The following CRYL1 variants were observed in gnomAD, a reference collection of about 807,000 sequenced individuals.
The protein encoded by CRYL1 is crystallin lambda 1.
Under a neutral mutation model 36.6 loss-of-function variants are expected in CRYL1, and 29 were observed. That is an observed-to-expected ratio of 0.79 (90% CI 0.59 to 1.08). The LOEUF (loss-of-function observed/expected upper bound fraction) is 1.08, where lower values mean the gene tolerates loss of function less well. Ranked by LOEUF, CRYL1 falls within the 50% of genes least tolerant of loss-of-function variation. The pLI, the probability that CRYL1 is intolerant of heterozygous loss-of-function variation, is 0.00. For missense variants in CRYL1, 411 were observed against 407.9 expected, an observed-to-expected ratio of 1.01 and a Z score of -0.06; for synonymous variants, 152 against 151.5, an observed-to-expected ratio of 1.00 and a Z score of -0.02.
intron 2 of CRYL1, among the ~76,000 whole-genome samples, chr13:20,511,792 C>G (rs755506335): frequency 2.0e-5 from 3 of 152,236 alleles, no homozygotes; most frequent in African/African-American, 7.2e-5. Flanking sequence ...CTTCTTTCCC[C>G]TGTCCTTGAC....
chr13:20,460,901 A>C (rs1251234627), intron 3 of CRYL1, among the ~76,000 whole-genome samples: 1 of 152,180 alleles, frequency 6.6e-6, no homozygotes, highest in African/African-American at 2.4e-5. Flanking sequence ...GAATGTATAT[A>C]GTAAGTGCAC....
In CRYL1 at chr13:20,429,889, C is replaced by T. The variant is rs868862962; in HGVS notation, c.633+2213G>A. ...GCAAGGGTCAAACTTCAACCTGCTACTGGAATGCTGGCACGCTGGTTGTGA... is the reference window on the plus strand; with the variant it reads ...GCAAGGGTCAAACTTCAACCTGCTATTGGAATGCTGGCACGCTGGTTGTGA... On this transcript the variant is annotated intron_variant, in intron 5 of 7. Coordinates refer to ENST00000298248, the MANE Select transcript of CRYL1 (RefSeq NM_015974.3). 3.3e-5 allele frequency among the ~76,000 whole-genome samples: 5 copies of T among 152,300 alleles called. No homozygotes were observed. In the Middle Eastern group the frequency reaches 0.01, roughly 311 times the overall value.
At position 20,451,036 on chromosome 13, in the gene CRYL1, G is replaced by T. The variant is rs188381691; in HGVS notation, c.277-11282C>A. 1.2e-3 allele frequency among the ~76,000 whole-genome samples: 156 copies of T among 134,216 alleles called. 1 individual carries two copies. In the Middle Eastern group the frequency reaches 0.02, roughly 17 times the overall value. The allele number at this position is 134,216 out of a possible 152,430, so 88.1% of individuals were successfully genotyped here. A position where few individuals can be genotyped will look rare whatever the true frequency, so the allele number is the denominator to read the frequency against. On this transcript the variant is annotated intron_variant, in intron 3 of 7. Transcript: ENST00000298248. ...TGAGAACACTTGGACACAGGGTGGG[G>T]AACATCACACACCGGGCCTGTCGAG...
chr13:20,445,016 CT>C (rs1416812006), intron 3 of CRYL1, among the ~76,000 whole-genome samples: 1 of 152,184 alleles, frequency 6.6e-6, no homozygotes, highest in Non-Finnish European at 1.5e-5. Context: ...GTAACAAATC[CT>C]TTTTTATTTT....
intron 2 of CRYL1, among the ~76,000 whole-genome samples, chr13:20,505,120 C>A (rs2033769165): frequency 6.6e-6 from 1 of 151,986 alleles, no homozygotes; most frequent in South Asian, 2.1e-4. Context: ...CTTTGGGAGA[C>A]CAAGGCAGGT....
At chr13:20,485,077 GCT>G (rs2033368296) in intron 3 of CRYL1, among the ~76,000 whole-genome samples, 4 of 152,094 alleles carry the variant, frequency 2.6e-5, no homozygotes, top group Non-Finnish European at 5.9e-5. Flanking sequence ...GAGTGCAGTG[GCT>G]CCATCTCGGC....
rs1393747215 is a variant in CRYL1 at position 20,435,671 on chromosome 13, C to T, written c.439-3375G>A. 2.0e-5 allele frequency among the ~76,000 whole-genome samples: 3 copies of T among 152,116 alleles called. No homozygotes were observed. The highest frequency in any genetic ancestry group is 4.1e-4 in the South Asian group (2 of 4,826). ...TCGGAAACACGCCCCCGAAAGGGTTCGACAGATACAACGGCAGCGCAGCGC... is the reference window on the plus strand; with the variant it reads ...TCGGAAACACGCCCCCGAAAGGGTTTGACAGATACAACGGCAGCGCAGCGC... On this transcript the variant is annotated intron_variant, in intron 4 of 7. Coordinates refer to ENST00000298248, the MANE Select transcript of CRYL1 (RefSeq NM_015974.3). This position sits in a 1 kb window ranked among gnomAD's most constrained non-coding sequence, Gnocchi z 4.0.
At position 20,517,874 on chromosome 13, in the gene CRYL1, T is replaced by G. The variant is rs532961070; in HGVS notation, c.42-5324A>C. Among the ~76,000 whole-genome samples, 12 of 136,998 alleles carry G rather than the reference T, an allele frequency of 8.8e-5. No homozygotes were observed. The East Asian group carries it at 2.6e-3, about 30-fold the overall frequency. 89.9% of individuals were successfully genotyped at this position (136,998 alleles called of 152,430 possible). ...TGGCGTGAACCCGGGAGGCGGAGCTTGCAGTGAGCCGAGATCACACCACTG... is the reference window on the plus strand; with the variant it reads ...TGGCGTGAACCCGGGAGGCGGAGCTGGCAGTGAGCCGAGATCACACCACTG... On this transcript the variant is annotated intron_variant, in intron 1 of 7. Transcript: ENST00000298248.
At chr13:20,521,606 A>G (rs1025268009) in intron 1 of CRYL1, among the ~76,000 whole-genome samples, 2 of 152,170 alleles carry the variant, frequency 1.3e-5, no homozygotes, top group African/African-American at 4.8e-5. Context: ...TCCCACTGTG[A>G]CTATTGCGAC....
intron 3 of CRYL1, among the ~76,000 whole-genome samples, chr13:20,485,103 T>A (rs1167821914): frequency 6.6e-6 from 1 of 152,098 alleles, no homozygotes; most frequent in African/African-American, 2.4e-5. Flanking sequence ...CTGCAACCTT[T>A]ACCTCCTGGG....
rs1464597292 is a variant in CRYL1, at chr13:20,415,832, A to G, written c.634-2445T>C. On this transcript the variant is annotated intron_variant, in intron 5 of 7. Transcript: ENST00000298248. The surrounding 1 kb of genome is among the most constrained non-coding windows in gnomAD (Gnocchi z 4.1). ...CTGGCCCATTTCTAATCTTCCTGTAAGTGGAATCACTGAGCGCGCGTTCTT... is the reference window on the plus strand; with the variant it reads ...CTGGCCCATTTCTAATCTTCCTGTAGGTGGAATCACTGAGCGCGCGTTCTT... 2.0e-5 allele frequency among the ~76,000 whole-genome samples: 3 copies of G among 152,198 alleles called. No homozygotes were observed. The highest frequency in any genetic ancestry group is 7.2e-5 in the African/African-American group (3 of 41,454).
intron 2 of CRYL1, among the ~76,000 whole-genome samples, chr13:20,500,860 G>A (rs2033689778): frequency 6.6e-6 from 1 of 152,046 alleles, no homozygotes; most frequent in South Asian, 2.1e-4. Context: ...CTTAAAGCTT[G>A]AAATTTCTAT....
Position 20,496,808 on chromosome 13 carries a change from G to A in CRYL1, c.150-7312C>T, listed in dbSNP as rs970256390. Among the ~76,000 whole-genome samples the A allele has an allele frequency of 2.9e-4, 38 of 131,424 alleles. 1 individual carries two copies. The East Asian group carries it at 6.5e-3, about 22-fold the overall frequency. 86.2% of individuals were successfully genotyped at this position (131,424 alleles called of 152,430 possible). A position where few individuals can be genotyped will look rare whatever the true frequency, so the allele number is the denominator to read the frequency against. On this transcript the variant is annotated intron_variant, in intron 2 of 7. Transcript: ENST00000298248. ...TGCAGTGAGCAGAGATCATGCCACT[G>A]CACTCCAGCCCGGGCACCAGAGCAA...
chr13:20,465,412 G>A (rs2032912767), intron 3 of CRYL1, among the ~76,000 whole-genome samples: 1 of 152,200 alleles, frequency 6.6e-6, no homozygotes, highest in Non-Finnish European at 1.5e-5. Flanking sequence ...AACACAAGAT[G>A]TCAAAGGTGC....
chr13:20,426,548 C>T (rs1167096718), intron 5 of CRYL1: 1 of 255,066 alleles, frequency 3.9e-6, no homozygotes, highest in Non-Finnish European at 6.2e-6. Context: ...GCATGTGTAT[C>T]TATTGTGAGC....
chr13:20,416,793 T>A (rs183742365), intron 5 of CRYL1, among the ~76,000 whole-genome samples: 114 of 152,292 alleles, frequency 7.5e-4, no homozygotes, highest in African/African-American at 2.6e-3. Flanking sequence ...GTTTGTATCA[T>A]CTGAGCTAAC....
chr13:20,506,885 G>A (rs1352679148), intron 2 of CRYL1, among the ~76,000 whole-genome samples: 1 of 152,198 alleles, frequency 6.6e-6, no homozygotes, highest in Non-Finnish European at 1.5e-5. Flanking sequence ...CCACCCAAAT[G>A]TCATCTTGAA....
At chr13:20,439,820 A>C in intron 3 of CRYL1, 66 bp from the exon 4 acceptor site, 248 of 1,460,660 alleles carry the variant, frequency 1.7e-4, no homozygotes, top group Non-Finnish European at 2.1e-4. Flanking sequence ...AAAGCATTTC[A>C]TGTTTGTTTC....
intron 3 of CRYL1, among the ~76,000 whole-genome samples, chr13:20,466,838 T>G (rs7323787): frequency 0.97 from 146,917 of 152,230 alleles, 71,099 homozygotes; most frequent in East Asian, 1. Context: ...ATTCAACATT[T>G]TTGATAATAT....
Sources: allele counts gnomAD v4.1 joint callset (sites outside exome capture counted in the v4.1 genomes callset), GRCh38; gene constraint gnomAD v4.1.1; non-coding constraint Gnocchi (gnomAD v3.1); transcripts MANE v1.5; gene names NCBI Gene and HGNC (gene_info 2026-07-23, HGNC 2026-07-21).